Variants in BRCA2 observed in about 807,000 individuals in gnomAD.
BRCA2 encodes the protein BRCA2 DNA repair associated.
A neutral mutation model predicts 276.7 loss-of-function variants in BRCA2; 203 were observed. The observed-to-expected ratio is 0.73, with a 90% confidence interval of 0.65 to 0.82. BRCA2 has a LOEUF of 0.82. Ranked by LOEUF, BRCA2 falls within the 40% of genes least tolerant of loss-of-function variation. BRCA2 has a pLI of 0.00. For synonymous variants in BRCA2, 1,289 were observed against 1,338.4 expected (o/e 0.96, Z 0.81); for missense variants, 3,920 against 3,915.0 (o/e 1.00, Z -0.03).
chr13:32,325,172 G>T lies in BRCA2; in HGVS notation c.413G>T (p.Cys138Phe), dbSNP rs397507324. Residue 138 changes from cysteine to phenylalanine, a missense_variant, in exon 4 of 27, where the codon TGT becomes TTT. Transcript: ENST00000380152. Reference protein sequence around the residue: ...DDVSCPLLNSCLSESPVVLQC... With the variant: ...DDVSCPLLNSFLSESPVVLQC... ...GTTTCCTGTCCACTTCTAAATTCTT[G>T]TCTTAGTGAAAGGTATGATGAAGCT... 3 of 1,583,542 alleles carry T rather than the reference G, an allele frequency of 1.9e-6. No individual in the cohort carries two copies. The highest frequency in any genetic ancestry group is 2.7e-5 in the African/African-American group (2 of 74,168).
chr13:32,398,043 G>A, intron 26 of BRCA2, 119 bp from the exon 27 acceptor site: 1 of 1,053,898 alleles, frequency 9.5e-7, no homozygotes, highest in Non-Finnish European at 1.4e-6. Flanking sequence ...TAGGAGTTAG[G>A]GGAGGGAGAC....
rs1566253718 is a variant in BRCA2, at chr13:32,380,157, T to C, written c.9256+12T>C. On this transcript the variant is annotated intron_variant, in intron 24 of 26. Coordinates refer to ENST00000380152, the MANE Select transcript of BRCA2 (RefSeq NM_000059.4). ...TGTGAAAAAAACAGGTAATGCACAA[T>C]ATAGTTAATTTTTTTTATTGATTCT... 1 of 1,597,394 alleles carries C rather than the reference T, an allele frequency of 6.3e-7. No homozygotes were observed. The highest frequency in any genetic ancestry group is 8.5e-7 in the Non-Finnish European group (1 of 1,173,552).
In BRCA2 at chr13:32,333,121, A is replaced by G. The variant is rs2137473495; in HGVS notation, c.1643A>G (p.Gln548Arg). Reference sequence around the variant, plus strand: ...CTGGAAATACATACTGTTTGCTCACAGAAGGAGGACTCCTTATGTCCAAAT... The same window carrying G: ...CTGGAAATACATACTGTTTGCTCACGGAAGGAGGACTCCTTATGTCCAAAT... ...SGLEIHTVCS[Q>R]KEDSLCPNLI... The change falls in exon 10 of 27, where the codon CAG (glutamine) becomes CGG (arginine). Residue 548 changes from glutamine to arginine, a missense_variant. Physicochemically the swap from Gln to Arg is conservative, Grantham distance 43 (BLOSUM62 1). This residue lies in a region of BRCA2 where 3,263 missense variants were observed against 3,156.9 expected (regional missense o/e 1.03). Transcript: ENST00000380152. 6.2e-7 allele frequency: 1 copy of G among 1,614,098 alleles called. No homozygotes were observed. The highest frequency in any genetic ancestry group is 1.7e-5 in the Admixed American group (1 of 60,020).
intron 18 of BRCA2, 35 bp downstream of exon 18, chr13:32,363,568 A>G (rs2137583291): frequency 6.4e-7 from 1 of 1,562,244 alleles, no homozygotes; most frequent in Non-Finnish European, 8.8e-7. Flanking sequence ...AAAATCAGTC[A>G]TTGATTCAGT....
chr13:32,350,294 GTTT>G (rs557401423), intron 13 of BRCA2, among the ~76,000 whole-genome samples: 1 of 152,004 alleles, frequency 6.6e-6, no homozygotes, highest in East Asian at 1.9e-4. Flanking sequence ...AAGAAAAAAT[GTTT>G]TTTTAAAAAC....
rs770539957 is a variant in BRCA2, at chr13:32,340,654, A to G, written c.6299A>G (p.Gln2100Arg). The G allele has an allele frequency of 6.2e-7, 1 of 1,607,016 alleles. No homozygotes were observed. Among genetic ancestry groups the G allele is most frequent in the Non-Finnish European group, 8.5e-7 (1 of 1,178,174 alleles). Reference sequence around the variant, plus strand: ...CTTCACTATTCACCTACGTCTAGACAAAATGTATCAAAAATACTTCCTCGT... The same window carrying G: ...CTTCACTATTCACCTACGTCTAGACGAAATGTATCAAAAATACTTCCTCGT... Reference protein sequence around the residue: ...HSLHYSPTSRQNVSKILPRVD... With the variant: ...HSLHYSPTSRRNVSKILPRVD... The change falls in exon 11 of 27, where the codon CAA becomes CGA. Residue 2100 changes from glutamine (Q) to arginine (R), a missense_variant. This residue lies in a region of BRCA2 where 3,263 missense variants were observed against 3,156.9 expected (regional missense o/e 1.03). Transcript: ENST00000380152.
Position 32,340,645 on chromosome 13 carries a change from C to T in BRCA2, c.6290C>T (p.Thr2097Met), listed in dbSNP as rs80358866. ...GAGCATAGTCTTCACTATTCACCTA[C>T]GTCTAGACAAAATGTATCAAAAATA... is the stretch of plus-strand genomic sequence containing the variant. Reference protein sequence around the residue: ...RTEHSLHYSPTSRQNVSKILP... With the variant: ...RTEHSLHYSPMSRQNVSKILP... Residue 2097 changes from threonine to methionine, a missense_variant, in exon 11 of 27, where the codon ACG becomes ATG. By Grantham distance (81) the Thr-to-Met change is moderately conservative (BLOSUM62 -1). Around this residue, in one of 2 missense-constraint regions of BRCA2, gnomAD observed 3,263 missense variants for 3,156.9 expected, o/e 1.03. Transcript: ENST00000380152. The T allele has an allele frequency of 3.5e-5, 57 of 1,607,288 alleles. No homozygotes were observed. In the Middle Eastern group the frequency reaches 5.0e-4, roughly 14 times the overall value.
intron 5 of BRCA2, 29 bp from the exon 6 acceptor site, chr13:32,326,211 CTT>C (rs2072345330): frequency 1.9e-6 from 3 of 1,611,800 alleles, no homozygotes; most frequent in South Asian, 2.2e-5. Context: ...AAAAATAAAA[CTT>C]AACAATTTTC....
At chr13:32,365,979 T>A (rs1416861592) in intron 18 of BRCA2, among the ~76,000 whole-genome samples, 1 of 151,938 alleles carries the variant, frequency 6.6e-6, no homozygotes, top group Non-Finnish European at 1.5e-5. Context: ...CTTTTTTTAT[T>A]CTAACTTCTG....
chr13:32,316,027 G>A lies in BRCA2; in HGVS notation c.-40+360G>A, dbSNP rs115797182. 6.4e-3 allele frequency among the ~76,000 whole-genome samples: 978 copies of A among 152,314 alleles called. 8 individuals carry two copies. Among genetic ancestry groups the A allele is most frequent in the African/African-American group, 0.023 (936 of 41,552 alleles). On this transcript the variant is annotated intron_variant, in intron 1 of 26. Transcript: ENST00000380152. ...TGTTTTGGGGAAGTGTTTTACAGCT[G>A]CTGGGCACGCTGTATTTGCCTTACT...
chr13:32,338,398 G>A lies in BRCA2; in HGVS notation c.4043G>A (p.Cys1348Tyr), dbSNP rs1307056903. 6.2e-7 allele frequency: 1 copy of A among 1,600,574 alleles called. No homozygotes were observed. The highest frequency in any genetic ancestry group is 2.2e-5 in the East Asian group (1 of 44,686). The change falls in exon 11 of 27, where the codon TGT (cysteine) becomes TAT (tyrosine). Residue 1348 changes from cysteine (C) to tyrosine (Y), a missense_variant. Physicochemically the swap from Cys to Tyr is radical, Grantham distance 194. This residue lies in a region of BRCA2 where 3,263 missense variants were observed against 3,156.9 expected (regional missense o/e 1.03). Coordinates refer to ENST00000380152, the MANE Select transcript of BRCA2 (RefSeq NM_000059.4). Reference protein sequence around the residue: ...GSDSSKNDTVCIHKDETDLLF... With the variant: ...GSDSSKNDTVYIHKDETDLLF... ...GATTCAAGTAAAAATGATACTGTTT[G>A]TATTCATAAAGATGAAACGGACTTG...
At chr13:32,358,163 T>TA (rs1441964691) in intron 16 of BRCA2, among the ~76,000 whole-genome samples, 44 of 152,216 alleles carry the variant, frequency 2.9e-4, no homozygotes. Flanking sequence ...TAGGCATTTA[T>TA]AAATATAGCC....
At chr13:32,334,438 G>A (rs890947832) in intron 10 of BRCA2, among the ~76,000 whole-genome samples, 1 of 152,078 alleles carries the variant, frequency 6.6e-6, no homozygotes, top group Admixed American at 6.6e-5. Flanking sequence ...CACTTTGGGA[G>A]GCTAAGGCAG....
Position 32,396,985 on chromosome 13 carries a change from G to C in BRCA2, c.9589G>C (p.Asp3197His), listed in dbSNP as rs876660053. Residue 3197 changes from aspartate to histidine, a missense_variant, in exon 26 of 27, where the codon GAC (aspartate) becomes CAC (histidine). Transcript: ENST00000380152. ...NDPKWSTPTK[D>H]CTSGPYTAQI... Reference sequence around the variant, plus strand: ...TCCCAAGTGGTCCACCCCAACTAAAGACTGTACTTCAGGGCCGTACACTGC... The same window carrying C: ...TCCCAAGTGGTCCACCCCAACTAAACACTGTACTTCAGGGCCGTACACTGC... 3 of 1,614,084 alleles carry C rather than the reference G, an allele frequency of 1.9e-6. No individual in the cohort carries two copies. The highest frequency in any genetic ancestry group is 2.5e-6 in the Non-Finnish European group (3 of 1,179,976).
rs786202006 is a variant in BRCA2, at chr13:32,396,963, C to G, written c.9567C>G (p.Pro3189=). 1.9e-6 allele frequency: 3 copies of G among 1,613,954 alleles called. No homozygotes were observed. Among genetic ancestry groups the G allele is most frequent in the Non-Finnish European group, 1.7e-6 (2 of 1,179,876 alleles). The part of the protein sequence containing the change: ...KLMHILHAND[P]KWSTPTKDCT... ...TGCATATACTGCATGCAAATGATCC[C>G]AAGTGGTCCACCCCAACTAAAGACT... Residue 3189 remains proline, a synonymous_variant, in exon 26 of 27, where the codon CCC becomes CCG. Transcript: ENST00000380152.
In BRCA2 at chr13:32,336,822, G is replaced by A. The variant is rs876659299; in HGVS notation, c.2467G>A (p.Ala823Thr). 6.2e-7 allele frequency: 1 copy of A among 1,603,364 alleles called. No individual in the cohort carries two copies. Among genetic ancestry groups the A allele is most frequent in the Non-Finnish European group, 8.5e-7 (1 of 1,177,222 alleles). ...CATGGAAAAGAATCAAGATGTATGT[G>A]CTTTAAATGAAAATTATAAAAACGT... is the stretch of plus-strand genomic sequence containing the variant. ...IPMEKNQDVC[A>T]LNENYKNVEL... is the part of the protein sequence containing the mutation. Residue 823 changes from alanine (A) to threonine (T), a missense_variant, in exon 11 of 27, where the codon GCT becomes ACT. This residue lies in a region of BRCA2 where 3,263 missense variants were observed against 3,156.9 expected (regional missense o/e 1.03). Transcript: ENST00000380152.
At chr13:32,397,932 A>C (rs869312525) in intron 26 of BRCA2, among the ~76,000 whole-genome samples, 1 of 152,196 alleles carries the variant, frequency 6.6e-6, no homozygotes, top group Non-Finnish European at 1.5e-5. Flanking sequence ...TACTGTGATT[A>C]TTCTTCATCT....
At chr13:32,381,385 G>A (rs1196517919) in intron 24 of BRCA2, among the ~76,000 whole-genome samples, 1 of 152,140 alleles carries the variant, frequency 6.6e-6, no homozygotes, top group Non-Finnish European at 1.5e-5. Flanking sequence ...AGGGGGTAAT[G>A]TCAGAGAAGA....
At chr13:32,349,814 CAAAAA>C (rs11327981) in intron 13 of BRCA2, among the ~76,000 whole-genome samples, 2 of 115,736 alleles carry the variant, frequency 1.7e-5, no homozygotes, top group Non-Finnish European at 3.5e-5. Context: ...GACCCCACAT[CAAAAA>C]AAAAAAAAAA....
Sources: allele counts gnomAD v4.1 joint callset (sites outside exome capture counted in the v4.1 genomes callset), GRCh38; gene constraint gnomAD v4.1.1; regional missense constraint gnomAD v4.1.1; transcripts MANE v1.5; gene names NCBI Gene and HGNC (gene_info 2026-07-23, HGNC 2026-07-21).